The following PHF21B variants were observed in gnomAD, a reference collection of about 807,000 sequenced individuals.
The protein encoded by PHF21B is PHD finger protein 4.
A neutral mutation model predicts 62.2 loss-of-function variants in PHF21B; 22 were observed. That is an observed-to-expected ratio of 0.35 (90% CI 0.25 to 0.51). The LOEUF is 0.51. Among genes scored for constraint, PHF21B ranks in the 20% least tolerant of loss-of-function variants. The pLI is 0.97. For missense variants in PHF21B, 701 were observed against 707.9 expected (o/e 0.99, Z 0.11); for synonymous variants, 341 against 314.7 (o/e 1.08, Z -0.88).
At chr22:44,961,684 T>C (rs1363831562) in intron 2 of PHF21B, among the ~76,000 whole-genome samples, 1 of 151,680 alleles carries the variant, frequency 6.6e-6, no homozygotes, top group African/African-American at 2.4e-5. Flanking sequence ...CTACTAAAAA[T>C]ATGAAAATAA....
In PHF21B at chr22:44,893,499, T is replaced by G. The variant is rs200561253; in HGVS notation, c.918A>C (p.Arg306Ser). The change falls in exon 7 of 13, where the codon AGA becomes AGC. Residue 306 changes from arginine to serine, a missense_variant. Physicochemically the swap from Arg to Ser is moderately radical, Grantham distance 110. Coordinates refer to ENST00000313237, the MANE Select transcript of PHF21B (RefSeq NM_138415.5). Reference sequence around the variant, plus strand: ...CGCTGTAGGCAGGGTTGGCTGTGCTTCTTCTCTTCCGCTCCTGTCGCTTGC... The same window carrying G: ...CGCTGTAGGCAGGGTTGGCTGTGCTGCTTCTCTTCCGCTCCTGTCGCTTGC... ...IQSKRQERKR[R>S]STANPAYSGL... is the part of the protein sequence containing the mutation. 10 of 1,604,744 alleles carry G rather than the reference T, an allele frequency of 6.2e-6. No individual in the cohort carries two copies. Among genetic ancestry groups the G allele is most frequent in the East Asian group, 4.5e-5 (2 of 44,650 alleles).
chr22:44,884,321 C>T (rs575663103), intron 12 of PHF21B, among the ~76,000 whole-genome samples: 1 of 119,846 alleles, frequency 8.3e-6, no homozygotes, highest in African/African-American at 3.5e-5. Flanking sequence ...CTGTGATCAG[C>T]ACCATCACCA....
At chr22:44,908,235 G>C (rs1417695155) in intron 5 of PHF21B, among the ~76,000 whole-genome samples, 5 of 152,176 alleles carry the variant, frequency 3.3e-5, no homozygotes, top group Non-Finnish European at 5.9e-5. Flanking sequence ...AGAAGCTAGA[G>C]TGTGGCTCCC....
At chr22:44,958,417 C>A (rs927007438) in intron 2 of PHF21B, among the ~76,000 whole-genome samples, 1 of 152,076 alleles carries the variant, frequency 6.6e-6, no homozygotes, top group African/African-American at 2.4e-5. Flanking sequence ...CTGTGTCCTT[C>A]GATTAGGAAT....
rs553827304 is a variant in PHF21B, at chr22:44,916,868, C to CA, written c.214-239dup. Among the ~76,000 whole-genome samples the CA allele has an allele frequency of 2.5e-3, 388 of 152,362 alleles. 3 individuals are homozygous for CA. The highest frequency in any genetic ancestry group is 9.1e-3 in the African/African-American group (378 of 41,594). ...GGCTGCTCTGGACCCACGGCCCTCC[C>CA]AGCTGCACTCAGAGAAAACGGTGAA... On this transcript the variant is annotated intron_variant, in intron 3 of 12. Coordinates refer to ENST00000313237, the MANE Select transcript of PHF21B (RefSeq NM_138415.5).
Position 44,916,503 on chromosome 22 carries a change from G to T in PHF21B, c.341C>A (p.Pro114His), listed in dbSNP as rs1201966097. ...VSVKNPSPALPTANNTVSHVP... is the reference protein window; with the variant it reads ...VSVKNPSPALHTANNTVSHVP... ...ATGGCTGACAGTGTTGTTGGCGGTG[G>T]GGAGGGCTGGGCTGGGGTTCTTGAC... Residue 114 changes from proline (P) to histidine (H), a missense_variant, in exon 4 of 13, where the codon CCC (proline) becomes CAC (histidine). Pro to His is a moderately conservative substitution (Grantham distance 77). Transcript: ENST00000313237. The T allele has an allele frequency of 6.2e-7, 1 of 1,608,928 alleles. No homozygotes were observed. The highest frequency in any genetic ancestry group is 8.5e-7 in the Non-Finnish European group (1 of 1,179,680).
intron 2 of PHF21B, among the ~76,000 whole-genome samples, chr22:44,990,910 G>A (rs551280757): frequency 6.6e-6 from 1 of 152,210 alleles, no homozygotes. Context: ...AAAAAGGCAG[G>A]AGTCGCTAAC....
At chr22:44,994,957 G>A (rs1309847825) in intron 2 of PHF21B, among the ~76,000 whole-genome samples, 1 of 152,224 alleles carries the variant, frequency 6.6e-6, no homozygotes, top group East Asian at 1.9e-4. Flanking sequence ...AGCAGCTCAG[G>A]CCGAGAGGCC....
chr22:45,000,283 A>G (rs1601697602), intron 2 of PHF21B, among the ~76,000 whole-genome samples: 1 of 151,982 alleles, frequency 6.6e-6, no homozygotes, highest in African/African-American at 2.4e-5. Context: ...AAGCTCCTTA[A>G]CCCCCTAGAG....
intron 2 of PHF21B, among the ~76,000 whole-genome samples, chr22:44,998,397 G>A (rs1031008329): frequency 6.6e-6 from 1 of 152,160 alleles, no homozygotes; most frequent in African/African-American, 2.4e-5. Context: ...TAGGTTTCTC[G>A]CATGGGCCAA....
At chr22:45,004,376 T>C (rs1329361468) in intron 2 of PHF21B, among the ~76,000 whole-genome samples, 2 of 150,470 alleles carry the variant, frequency 1.3e-5, no homozygotes. Context: ...ACTCCAGCTG[T>C]GTGTGTGGGG....
At chr22:44,891,847 G>A (rs1290702335) in intron 7 of PHF21B, among the ~76,000 whole-genome samples, 1 of 152,220 alleles carries the variant, frequency 6.6e-6, no homozygotes, top group Non-Finnish European at 1.5e-5. Flanking sequence ...CCTTAGTCCT[G>A]GCTTTGGCAA....
At chr22:44,973,653 A>G (rs1431097880) in intron 2 of PHF21B, among the ~76,000 whole-genome samples, 1 of 151,868 alleles carries the variant, frequency 6.6e-6, no homozygotes, top group Non-Finnish European at 1.5e-5. Flanking sequence ...ACTGGAGAAA[A>G]ATCCCACTGT....
chr22:44,902,753 A>T (rs1345408891), intron 5 of PHF21B, among the ~76,000 whole-genome samples: 1 of 151,302 alleles, frequency 6.6e-6, no homozygotes, highest in East Asian at 1.9e-4. Flanking sequence ...CAGGATATCA[A>T]TTTTTTTTTC....
intron 5 of PHF21B, among the ~76,000 whole-genome samples, chr22:44,904,097 A>G (rs1012512254): frequency 1.3e-5 from 2 of 151,820 alleles, no homozygotes; most frequent in African/African-American, 4.8e-5. Flanking sequence ...TTTTTCACTG[A>G]TTAGCCTAAA....
intron 2 of PHF21B, among the ~76,000 whole-genome samples, chr22:45,007,612 C>T (rs1319065304): frequency 6.9e-6 from 1 of 145,926 alleles, no homozygotes; most frequent in Non-Finnish European, 1.5e-5. Context: ...CCGCCGCCCC[C>T]GTGCCCGCCA....
chr22:44,972,402 C>G (rs2147451810), intron 2 of PHF21B, among the ~76,000 whole-genome samples: 1 of 152,292 alleles, frequency 6.6e-6, no homozygotes, highest in East Asian at 1.9e-4. Flanking sequence ...ACCTGAAAAG[C>G]CAAAGAAGCT....
At chr22:44,974,515 CAT>C (rs1312046139) in intron 2 of PHF21B, among the ~76,000 whole-genome samples, 11 of 152,150 alleles carry the variant, frequency 7.2e-5, no homozygotes, top group Admixed American at 2.6e-4. Flanking sequence ...GACATACCCA[CAT>C]GTGTTGGTAC....
intron 2 of PHF21B, among the ~76,000 whole-genome samples, chr22:44,982,849 G>C (rs1005900867): frequency 1.9e-4 from 29 of 152,248 alleles, no homozygotes; most frequent in Non-Finnish European, 4.0e-4. Flanking sequence ...GGGGCTACCA[G>C]GAGGAGCCAG....
Sources: gnomAD v4.1 joint callset for allele counts (sites outside exome capture counted in the v4.1 genomes callset) on GRCh38, gnomAD v4.1.1 for gene constraint, MANE v1.5 for transcripts, NCBI Gene and HGNC (gene_info 2026-07-23, HGNC 2026-07-21) for gene names.